AMBN: variants seen among roughly 807,000 people sequenced by gnomAD.
AMBN encodes the protein enamel matrix protein.
Under a neutral mutation model 48.0 loss-of-function variants are expected in AMBN, and 54 were observed. That is an observed-to-expected ratio of 1.12 (90% CI 0.90 to 1.41). AMBN has a LOEUF of 1.41. Among genes scored for constraint, AMBN ranks in the 40% most tolerant of loss-of-function variants. AMBN has a pLI of 0.00. For missense variants in AMBN, 571 were observed against 547.3 expected, an observed-to-expected ratio of 1.04 and a Z score of -0.43; for synonymous variants, 186 against 190.0, an observed-to-expected ratio of 0.98 and a Z score of 0.17.
intron 12 of AMBN, among the ~76,000 whole-genome samples, chr4:70,605,884 C>G (rs1737630436): frequency 6.6e-6 from 1 of 152,188 alleles, no homozygotes; most frequent in Non-Finnish European, 1.5e-5. Flanking sequence ...GTACTCATTT[C>G]AACTGCTTGT....
chr4:70,598,206 C>T (rs1737431927), intron 3 of AMBN, 150 bp from the exon 4 acceptor site: 2 of 427,404 alleles, frequency 4.7e-6, no homozygotes, highest in East Asian at 7.3e-5. Flanking sequence ...TTTAATATTT[C>T]CACCTTTCAG....
intron 4 of AMBN, among the ~76,000 whole-genome samples, chr4:70,599,081 A>G (rs1300916701): frequency 1.3e-5 from 2 of 150,918 alleles, no homozygotes; most frequent in African/African-American, 4.9e-5. Context: ...AGCCATACCT[A>G]TCCATTTTAA....
chr4:70,601,915 G>A lies in AMBN; in HGVS notation c.531+261G>A, dbSNP rs1375693917. The A allele has an allele frequency of 6.9e-6, 4 of 576,546 alleles. No homozygotes were observed. The East Asian group carries it at 1.6e-4, about 23-fold the overall frequency. The allele number at this position is 576,546 out of a possible 1,614,324, so 35.7% of individuals were successfully genotyped here. On this transcript the variant is annotated intron_variant, in intron 6 of 12. Transcript: ENST00000322937. Reference sequence around the variant, plus strand: ...ACTGGGTTTCTTAGTTGCGAAAGATGAAAACTCCCATAGGAAATAGAATAA... The same window carrying A: ...ACTGGGTTTCTTAGTTGCGAAAGATAAAAACTCCCATAGGAAATAGAATAA...
In AMBN at chr4:70,606,426, C is replaced by G; in HGVS notation, c.1040C>G (p.Pro347Arg). 6.2e-7 allele frequency: 1 copy of G among 1,614,018 alleles called. No homozygotes were observed. The highest frequency in any genetic ancestry group is 8.5e-7 in the Non-Finnish European group (1 of 1,179,994). Residue 347 changes from proline to arginine, a missense_variant, in exon 13 of 13, where the codon CCT becomes CGT. Physicochemically the swap from Pro to Arg is moderately radical, Grantham distance 103. Transcript: ENST00000322937. ...CCAGCTTTCCTTACAGAGCTAGAACCTGCTCCCCACGCAGGGCTCCTTGCT... is the reference window on the plus strand; with the variant it reads ...CCAGCTTTCCTTACAGAGCTAGAACGTGCTCCCCACGCAGGGCTCCTTGCT... ...ENPAFLTELE[P>R]APHAGLLALP...
Position 70,606,624 on chromosome 4 carries a change from C to A in AMBN, c.1238C>A (p.Thr413Asn). 6.2e-7 allele frequency: 1 copy of A among 1,614,112 alleles called. No individual in the cohort carries two copies. The highest frequency in any genetic ancestry group is 8.5e-7 in the Non-Finnish European group (1 of 1,180,000). ...TCCGTGGATTTCCAGGAAGAAGCAA[C>A]CATGGATACCACGATGGCCCCAAAC... ...TTSVDFQEEA[T>N]MDTTMAPNSL... The change falls in exon 13 of 13, where the codon ACC (threonine) becomes AAC (asparagine). Residue 413 changes from threonine (T) to asparagine (N), a missense_variant. Transcript: ENST00000322937.
chr4:70,603,069 A>G, intron 9 of AMBN, 59 bp downstream of exon 9: 1 of 1,535,988 alleles, frequency 6.5e-7, no homozygotes, highest in Non-Finnish European at 8.8e-7. Context: ...ATTTCAAAAA[A>G]TAAGAGTGAA....
chr4:70,598,463 C>A, intron 4 of AMBN, 60 bp downstream of exon 4: 3 of 1,297,710 alleles, frequency 2.3e-6, no homozygotes, highest in South Asian at 1.6e-5. Context: ...TTAGCAGCAG[C>A]ATTATAATTC....
rs1402687580 is a variant in AMBN at position 70,607,002 on chromosome 4, A to G, written c.*272A>G. On this transcript the variant is annotated 3_prime_UTR_variant, in exon 13 of 13. Coordinates refer to ENST00000322937, the MANE Select transcript of AMBN (RefSeq NM_016519.6). Reference sequence around the variant, plus strand: ...GTTCTAAGGGTCTCAGCATTTGATCATCACTTTTTCTTAGCTGTCTTAAGC... The same window carrying G: ...GTTCTAAGGGTCTCAGCATTTGATCGTCACTTTTTCTTAGCTGTCTTAAGC... 4 of 369,808 alleles carry G rather than the reference A, an allele frequency of 1.1e-5. No homozygotes were observed. The East Asian group carries it at 1.3e-4, about 12-fold the overall frequency. 22.9% of individuals were successfully genotyped at this position (369,808 alleles called of 1,614,324 possible).
intron 7 of AMBN, 47 bp from the exon 8 acceptor site, chr4:70,602,751 C>G (rs767554152): frequency 4.1e-6 from 6 of 1,471,174 alleles, no homozygotes; most frequent in Non-Finnish European, 9.2e-7. Flanking sequence ...TATTTAACTA[C>G]TTTGTTCATT....
intron 2 of AMBN, among the ~76,000 whole-genome samples, chr4:70,595,100 T>C (rs1457790210): frequency 6.6e-6 from 1 of 151,828 alleles, no homozygotes; most frequent in Non-Finnish European, 1.5e-5. Context: ...CATACACACA[T>C]ACATGCACAA....
chr4:70,601,751 G>A lies in AMBN; in HGVS notation c.531+97G>A, dbSNP rs997168112. ...ACTTTTAAATAATCGTAGCCTTCAGGCATAATACGTGATATAAATATATTC... is the reference window on the plus strand; with the variant it reads ...ACTTTTAAATAATCGTAGCCTTCAGACATAATACGTGATATAAATATATTC... On this transcript the variant is annotated intron_variant, in intron 6 of 12. Transcript: ENST00000322937. 4.7e-6 allele frequency: 5 copies of A among 1,071,360 alleles called. No homozygotes were observed. In the South Asian group the frequency reaches 6.8e-5, roughly 15 times the overall value. The allele number at this position is 1,071,360 out of a possible 1,614,324, so 66.4% of individuals were successfully genotyped here.
chr4:70,602,106 G>C (rs963858158), intron 6 of AMBN, among the ~76,000 whole-genome samples: 1 of 152,026 alleles, frequency 6.6e-6, no homozygotes, highest in South Asian at 2.1e-4. Flanking sequence ...GTAGAGAAAA[G>C]TGTAATGGAT....
At chr4:70,597,167 G>A in intron 3 of AMBN, 118 bp downstream of exon 3, 1 of 801,012 alleles carries the variant, frequency 1.2e-6, no homozygotes, top group Non-Finnish European at 2.0e-6. Flanking sequence ...CTGTTATCCT[G>A]AGGAGTGCTA....
chr4:70,592,381 G>A lies in AMBN; in HGVS notation c.15+8G>A, dbSNP rs374694395. The A allele has an allele frequency of 2.2e-5, 36 of 1,613,660 alleles. No individual in the cohort carries two copies. The African/African-American group carries it at 4.4e-4, about 20-fold the overall frequency. On this transcript the variant is annotated splice_region_variant and intron_variant, in intron 1 of 12. Transcript: ENST00000322937. The stretch of plus-strand genomic sequence containing the variant: ...TGCATGTCAGCATCTAAGGTAAAAT[G>A]GGATTTTATGATTTCCATGTGTTTC...
At chr4:70,593,602 CGCCTGTAA>C (rs1737323698) in intron 2 of AMBN, among the ~76,000 whole-genome samples, 1 of 152,150 alleles carries the variant, frequency 6.6e-6, no homozygotes, top group African/African-American at 2.4e-5. Flanking sequence ...CGGTGGCTCA[CGCCTGTAA>C]TCCCAGCACT....
chr4:70,606,724 G>A lies in AMBN; in HGVS notation c.1338G>A (p.Glu446=). 3 of 1,610,182 alleles carry A rather than the reference G, an allele frequency of 1.9e-6. No individual in the cohort carries two copies. The South Asian group carries it at 3.3e-5, about 18-fold the overall frequency. ...TGCATGACGCATGGCATTTCCAAGA[G>A]CCCTGACAGCTCTAAGATATTAGCT... ...EMMHDAWHFQ[E]P Residue 446 remains glutamate (E), a synonymous_variant, in exon 13 of 13, where the codon GAG becomes GAA. Coordinates refer to ENST00000322937, the MANE Select transcript of AMBN (RefSeq NM_016519.6).
Position 70,596,394 on chromosome 4 carries a change from G to T in AMBN, c.85-605G>T, listed in dbSNP as rs372583774. Among the ~76,000 whole-genome samples the T allele has an allele frequency of 1.5e-4, 23 of 152,066 alleles. 1 individual carries two copies. In the East Asian group the frequency reaches 3.7e-3, roughly 24 times the overall value. On this transcript the variant is annotated intron_variant, in intron 2 of 12. Coordinates refer to ENST00000322937, the MANE Select transcript of AMBN (RefSeq NM_016519.6). ...TTAAGTATAATAGTATTTTGTGCTA[G>T]AATGCTTTTTATTTAAGGGAAAAAA...
In AMBN at chr4:70,597,065, AT is replaced by A; in HGVS notation, c.135+21del. The A allele has an allele frequency of 6.2e-7, 1 of 1,605,246 alleles. No homozygotes were observed. The highest frequency in any genetic ancestry group is 1.3e-5 in the African/African-American group (1 of 74,836). On this transcript the variant is annotated intron_variant, in intron 3 of 12. Coordinates refer to ENST00000322937, the MANE Select transcript of AMBN (RefSeq NM_016519.6). ...GAGCCTTGAGGTATGTATTGTCAGAATTTTTAACATATTAACTTTACATTGG... is the reference window on the plus strand; with the variant it reads ...GAGCCTTGAGGTATGTATTGTCAGAATTTTAACATATTAACTTTACATTGG...
At chr4:70,601,314 C>G (rs1013585758) in intron 5 of AMBN, 104 bp from the exon 6 acceptor site, 1 of 1,132,186 alleles carries the variant, frequency 8.8e-7, no homozygotes, top group Non-Finnish European at 1.3e-6. Context: ...CTCCTAGCCT[C>G]CCTTCCAGAT....
Sources: gnomAD v4.1 joint callset for allele counts (sites outside exome capture counted in the v4.1 genomes callset) on GRCh38, gnomAD v4.1.1 for gene constraint, MANE v1.5 for transcripts, NCBI Gene and HGNC (gene_info 2026-07-23, HGNC 2026-07-21) for gene names.